Variants in ACSL4 observed in about 807,000 individuals in gnomAD.
ACSL4 encodes acyl-CoA synthetase long chain family member 4.
A neutral mutation model predicts 49.1 loss-of-function variants in ACSL4; 9 were observed. That is an observed-to-expected ratio of 0.18 (90% CI 0.11 to 0.32). ACSL4 has a LOEUF of 0.32. ACSL4 is among the 10% of genes least tolerant of loss of function. The pLI is 1.00. For synonymous variants in ACSL4, 191 were observed against 170.3 expected, an observed-to-expected ratio of 1.12 and a Z score of -0.95; for missense variants, 333 against 493.7, an observed-to-expected ratio of 0.67 and a Z score of 3.08.
At chrX:109,645,214 G>T (rs1455557095) in intron 15 of ACSL4, among the ~76,000 whole-genome samples, 5 of 112,821 alleles carry the variant, frequency 4.4e-5, no homozygotes, top group Admixed American at 9.3e-5. Context: ...CCACCTCTGG[G>T]GGCAGGGCAC....
Position 109,668,273 on chromosome X carries a change from C to G in ACSL4, c.1143G>C (p.Leu381=), listed in dbSNP as rs747207513. ...GGGCCTTGACCTTTTTAAACAGTAA[C>G]CTTAATAAAGGGAGGATAAATGATT... ...KKGYDAPLCN[L]LLFKKVKALL... Residue 381 remains leucine, a splice_region_variant and synonymous_variant, in exon 11 of 16, where the codon CTG becomes CTC. Coordinates refer to ENST00000672401, the MANE Select transcript of ACSL4 (RefSeq NM_001318510.2). The G allele has an allele frequency of 8.4e-6, 10 of 1,193,095 alleles. No individual in the cohort carries two copies. The highest frequency in any genetic ancestry group is 1.1e-5 in the Non-Finnish European group (10 of 883,724).
intron 1 of ACSL4, among the ~76,000 whole-genome samples, chrX:109,697,860 C>CA (rs61078056): frequency 2.9e-3 from 283 of 98,637 alleles, no homozygotes; most frequent in African/African-American, 8.1e-3. Context: ...TAAAAATGAC[C>CA]AAAAAAAAAA....
At chrX:109,649,685 T>C (rs1934926048) in intron 15 of ACSL4, among the ~76,000 whole-genome samples, 1 of 110,488 alleles carries the variant, frequency 9.1e-6, no homozygotes, top group Admixed American at 9.6e-5. Context: ...TGGGAACTAA[T>C]TAAACTAAAG....
chrX:109,726,320 G>A (rs1456581279), intron 1 of ACSL4, among the ~76,000 whole-genome samples: 1 of 111,855 alleles, frequency 8.9e-6, no homozygotes, highest in Non-Finnish European at 1.9e-5. Flanking sequence ...CTACTCGGGA[G>A]GCTAAGGCAG....
At chrX:109,671,349 C>T (rs1458860588) in intron 9 of ACSL4, among the ~76,000 whole-genome samples, 11 of 109,913 alleles carry the variant, frequency 1.0e-4, no homozygotes, top group Admixed American at 3.8e-4. Flanking sequence ...CGTCTCTGAC[C>T]GGCCTCCCCG....
At chrX:109,674,365 C>T (rs927393331) in intron 9 of ACSL4, 37 bp downstream of exon 9, 9 of 1,083,429 alleles carry the variant, frequency 8.3e-6, no homozygotes, top group Non-Finnish European at 1.2e-5. Flanking sequence ...ATTATATAAA[C>T]AATCCTCTTA....
intron 13 of ACSL4, among the ~76,000 whole-genome samples, chrX:109,662,527 A>G (rs888168009): frequency 1.8e-5 from 2 of 110,759 alleles, no homozygotes; most frequent in African/African-American, 6.6e-5. Flanking sequence ...GATCTTGCTG[A>G]GGGGTTCTCA....
rs779743054 is a variant in ACSL4, at chrX:109,674,483, A to G, written c.931-10T>C. 8.7e-7 allele frequency: 1 copy of G among 1,152,963 alleles called. No homozygotes were observed. The highest frequency in any genetic ancestry group is 1.8e-5 in the African/African-American group (1 of 56,109). Reference sequence around the variant, plus strand: ...TTTTAATTTTGCTGGACTATATTAAAGAAAAAATAAATATGATCAGGAAAA... The same window carrying G: ...TTTTAATTTTGCTGGACTATATTAAGGAAAAAATAAATATGATCAGGAAAA... On this transcript the variant is annotated splice_polypyrimidine_tract_variant and intron_variant, in intron 8 of 15. Transcript: ENST00000672401.
intron 9 of ACSL4, among the ~76,000 whole-genome samples, chrX:109,670,994 G>A (rs867437734): frequency 8.9e-6 from 1 of 112,317 alleles, no homozygotes; most frequent in African/African-American, 3.2e-5. Context: ...CCTCCCAGCC[G>A]CCTGCCTTGG....
intron 1 of ACSL4, among the ~76,000 whole-genome samples, chrX:109,697,197 A>C (rs747901640): frequency 8.9e-6 from 1 of 112,903 alleles, no homozygotes; most frequent in South Asian, 3.6e-4. Context: ...TAATAAAATA[A>C]GGCCTTTCAG....
chrX:109,666,967 C>T (rs1057402525), intron 11 of ACSL4, among the ~76,000 whole-genome samples: 1 of 110,954 alleles, frequency 9.0e-6, no homozygotes, highest in Non-Finnish European at 1.9e-5. Flanking sequence ...AAAAGTTGGA[C>T]GACAGAGGTG....
At chrX:109,702,088 G>A (rs961856790) in intron 1 of ACSL4, among the ~76,000 whole-genome samples, 4 of 107,572 alleles carry the variant, frequency 3.7e-5, no homozygotes, top group African/African-American at 1.0e-4. Context: ...GGTGGTGGAC[G>A]CCTGTAATCC....
intron 1 of ACSL4, among the ~76,000 whole-genome samples, chrX:109,718,691 T>G (rs181258902): frequency 9.4e-6 from 1 of 106,746 alleles, no homozygotes; most frequent in Non-Finnish European, 1.9e-5. Flanking sequence ...AAGGTGGAGG[T>G]TGCAGTGAGC....
At chrX:109,726,457 C>T (rs760236323) in intron 1 of ACSL4, among the ~76,000 whole-genome samples, 1 of 111,891 alleles carries the variant, frequency 8.9e-6, no homozygotes, top group Admixed American at 9.5e-5. Flanking sequence ...AACAAAAAAA[C>T]AAATACAACC....
chrX:109,676,654 A>C (rs1489786581), intron 8 of ACSL4, among the ~76,000 whole-genome samples: 1 of 111,338 alleles, frequency 9.0e-6, no homozygotes, highest in East Asian at 2.8e-4. Context: ...ATTCCAAAGA[A>C]GACATAAAAC....
At chrX:109,645,893 G>A (rs1027346939) in intron 15 of ACSL4, among the ~76,000 whole-genome samples, 9 of 112,309 alleles carry the variant, frequency 8.0e-5, no homozygotes, top group South Asian at 7.4e-4. Context: ...CTCAGGAGCC[G>A]ATGCGATCAA....
At chrX:109,715,644 T>TAG (rs1262386950) in intron 1 of ACSL4, among the ~76,000 whole-genome samples, 1 of 109,961 alleles carries the variant, frequency 9.1e-6, no homozygotes, top group Admixed American at 9.8e-5. Flanking sequence ...TATATATATA[T>TAG]ATAGAGAGAG....
intron 11 of ACSL4, 120 bp downstream of exon 11, chrX:109,667,981 G>A (rs1922823950): frequency 2.0e-6 from 1 of 508,631 alleles, no homozygotes; most frequent in Admixed American, 2.9e-5. Context: ...ACACTGATTT[G>A]CAATGAATCT....
intron 1 of ACSL4, among the ~76,000 whole-genome samples, chrX:109,709,381 T>A (rs1363833827): frequency 8.9e-6 from 1 of 112,657 alleles, no homozygotes; most frequent in Non-Finnish European, 1.9e-5. Flanking sequence ...ATCTTACCTG[T>A]CTAGCTTCAG....
Sources: gnomAD v4.1 joint callset for allele counts (sites outside exome capture counted in the v4.1 genomes callset) on GRCh38, gnomAD v4.1.1 for gene constraint, MANE v1.5 for transcripts, NCBI Gene and HGNC (gene_info 2026-07-23, HGNC 2026-07-21) for gene names.